Variants in ATP13A2 observed in about 807,000 individuals in gnomAD.
ATP13A2 encodes the protein polyamine-transporting ATPase 13A2.
A neutral mutation model predicts 138.3 loss-of-function variants in ATP13A2; 83 were observed. The observed-to-expected ratio is 0.60, with a 90% confidence interval of 0.50 to 0.72. ATP13A2 has a LOEUF of 0.72. ATP13A2 is among the 30% of genes least tolerant of loss of function. ATP13A2 has a pLI of 0.00. For synonymous variants in ATP13A2, 663 were observed against 699.0 expected, an observed-to-expected ratio of 0.95 and a Z score of 0.81; for missense variants, 1,402 against 1,606.4, an observed-to-expected ratio of 0.87 and a Z score of 2.17.
intron 23 of ATP13A2, among the ~76,000 whole-genome samples, chr1:16,989,107 G>T (rs868606646): frequency 6.6e-6 from 1 of 151,348 alleles, no homozygotes; most frequent in Admixed American, 6.6e-5. Flanking sequence ...GTAGAGACAG[G>T]GTTTCACCAT....
In ATP13A2 at chr1:16,986,079, G is replaced by T. The variant is rs773697361; in HGVS notation, c.*142C>A. On this transcript the variant is annotated 3_prime_UTR_variant, in exon 29 of 29. Transcript: ENST00000326735. This position sits in a 1 kb window ranked among gnomAD's most constrained non-coding sequence, Gnocchi z 6.9. The stretch of plus-strand genomic sequence containing the variant: ...ACAGTAGTCAACGCTTCCCCAGGGT[G>T]GGGGTGGTCTCGGGGGAGGAGTGTA... 1.2e-5 allele frequency: 19 copies of T among 1,534,066 alleles called. No individual in the cohort carries two copies. The highest frequency in any genetic ancestry group is 2.8e-5 in the African/African-American group (2 of 72,298).
intron 23 of ATP13A2, among the ~76,000 whole-genome samples, 171 bp from the exon 24 acceptor site, chr1:16,988,645 T>G (rs1029435393): frequency 6.6e-6 from 1 of 152,082 alleles, no homozygotes; most frequent in African/African-American, 2.4e-5. Flanking sequence ...TTATTATTAT[T>G]TTTTGAGACG....
chr1:16,994,848 G>A (rs1037167719), intron 15 of ATP13A2, among the ~76,000 whole-genome samples: 1 of 151,936 alleles, frequency 6.6e-6, no homozygotes. Context: ...ATTTTCAGTA[G>A]AGACGGGGTT....
At chr1:16,992,818 T>C (rs1331788141) in intron 16 of ATP13A2, among the ~76,000 whole-genome samples, 1 of 152,266 alleles carries the variant, frequency 6.6e-6, no homozygotes, top group Non-Finnish European at 1.5e-5. Context: ...ACATTTGAGC[T>C]TGCTTGCTAG....
intron 6 of ATP13A2, among the ~76,000 whole-genome samples, chr1:17,003,585 C>CCACA (rs540533484): frequency 0.17 from 22,181 of 132,806 alleles, 1,912 homozygotes; most frequent in African/African-American, 0.21. Context: ...ACCAAAAAAA[C>CCACA]CACACACACA....
In ATP13A2 at chr1:17,000,037, C is replaced by T; in HGVS notation, c.1013G>A (p.Cys338Tyr). The T allele has an allele frequency of 6.2e-7, 1 of 1,612,018 alleles. No individual in the cohort carries two copies. The highest frequency in any genetic ancestry group is 2.2e-5 in the East Asian group (1 of 44,846). Residue 338 changes from cysteine (C) to tyrosine (Y), a missense_variant, in exon 11 of 29, where the codon TGC becomes TAC. By Grantham distance (194) the Cys-to-Tyr change is radical. Transcript: ENST00000326735. ...TGTCAGAGAGCTCTCATTCACCATG[C>T]ACTCGCCGGCCACCAGGGCGGCATC... ...PCDAALVAGE[C>Y]MVNESSLTGE...
At chr1:16,994,896 T>G (rs2077064054) in intron 15 of ATP13A2, among the ~76,000 whole-genome samples, 1 of 151,566 alleles carries the variant, frequency 6.6e-6, no homozygotes, top group South Asian at 2.1e-4. Context: ...ACTCCTGACC[T>G]CATGATCCAC....
At chr1:17,005,619 G>A in intron 2 of ATP13A2, 63 bp from the exon 3 acceptor site, 3 of 1,613,364 alleles carry the variant, frequency 1.9e-6, no homozygotes, top group Non-Finnish European at 2.5e-6. Flanking sequence ...AGGAAGTTGG[G>A]GTGTCTGGGT....
intron 16 of ATP13A2, 86 bp downstream of exon 16, chr1:16,993,543 C>A: frequency 1.5e-6 from 2 of 1,331,124 alleles, no homozygotes; most frequent in South Asian, 1.3e-5. Flanking sequence ...AAGAGACCAC[C>A]CTGAAAGATG....
Position 17,004,075 on chromosome 1 carries a change from T to C in ATP13A2, c.557+257A>G, listed in dbSNP as rs112724236. Among the ~76,000 whole-genome samples the C allele has an allele frequency of 2.8e-4, 43 of 152,312 alleles. No homozygotes were observed. Among genetic ancestry groups the C allele is most frequent in the African/African-American group, 9.4e-4 (39 of 41,568 alleles). ...TTCACAGTGGTGTCACAACCTCAGA[T>C]CACATTCGGTGCCAAGCTCTACATA... On this transcript the variant is annotated intron_variant, in intron 6 of 28. Transcript: ENST00000326735. This position sits in a 1 kb window ranked among gnomAD's most constrained non-coding sequence, Gnocchi z 4.1.
chr1:16,999,488 C>T (rs2077267277), intron 11 of ATP13A2, among the ~76,000 whole-genome samples: 1 of 151,772 alleles, frequency 6.6e-6, no homozygotes. Flanking sequence ...CAACTCTGTC[C>T]AGGAGGAGTG....
chr1:17,009,356 G>A (rs546644995), intron 1 of ATP13A2, among the ~76,000 whole-genome samples: 1 of 151,452 alleles, frequency 6.6e-6, no homozygotes, highest in African/African-American at 2.4e-5. Flanking sequence ...CAAAGGTGCT[G>A]GGAGTTGGGG....
At position 16,996,021 on chromosome 1, in the gene ATP13A2, C is replaced by T. The variant is rs1557691846; in HGVS notation, c.1497G>A (p.Leu499=). The change falls in exon 15 of 29, where the codon CTG becomes CTA. Residue 499 remains leucine (L), a synonymous_variant. Transcript: ENST00000326735. ...GCAGCTTGCCCCCCAGGTTGATGCG[C>T]AGTGGGTGGATGCAGAAAATGCCCT... ...RRQGIFCIHP[L]RINLGGKLQL... 5 of 1,614,104 alleles carry T rather than the reference C, an allele frequency of 3.1e-6. No individual in the cohort carries two copies. The highest frequency in any genetic ancestry group is 2.2e-5 in the East Asian group (1 of 44,886).
chr1:16,997,658 A>G (rs2077191702), intron 11 of ATP13A2, among the ~76,000 whole-genome samples: 1 of 152,098 alleles, frequency 6.6e-6, no homozygotes, highest in Non-Finnish European at 1.5e-5. Context: ...GCTGGCCAAC[A>G]TGGTGAAACC....
At chr1:17,008,956 T>TG (rs2077672297) in intron 1 of ATP13A2, among the ~76,000 whole-genome samples, 1 of 86,238 alleles carries the variant, frequency 1.2e-5, no homozygotes, top group Non-Finnish European at 2.2e-5. Flanking sequence ...AGAGCAAGAC[T>TG]CAAAAAAAAA....
Position 17,002,020 on chromosome 1 carries a change from A to G in ATP13A2, c.705+14T>C, listed in dbSNP as rs2077376589. 1.2e-6 allele frequency: 2 copies of G among 1,604,984 alleles called. No homozygotes were observed. Among genetic ancestry groups the G allele is most frequent in the Non-Finnish European group, 1.7e-6 (2 of 1,174,426 alleles). On this transcript the variant is annotated intron_variant, in intron 8 of 28. Coordinates refer to ENST00000326735, the MANE Select transcript of ATP13A2 (RefSeq NM_022089.4). Reference sequence around the variant, plus strand: ...GCCAGGCAGGGCTGGGGCAAGACCCAGGGACAGCCCTACCTCGTCCACCAG... The same window carrying G: ...GCCAGGCAGGGCTGGGGCAAGACCCGGGGACAGCCCTACCTCGTCCACCAG...
At chr1:16,989,300 C>T (rs2076841357) in intron 23 of ATP13A2, among the ~76,000 whole-genome samples, 1 of 151,974 alleles carries the variant, frequency 6.6e-6, no homozygotes, top group Non-Finnish European at 1.5e-5. Flanking sequence ...CAGCCGCAGC[C>T]TCCCAGGCTC....
chr1:17,010,905 C>T (rs768838341), intron 1 of ATP13A2, among the ~76,000 whole-genome samples: 6 of 152,142 alleles, frequency 3.9e-5, no homozygotes, highest in Non-Finnish European at 8.8e-5. Context: ...CGGGGAGCTC[C>T]TGTCTTCTGC....
At position 16,986,494 on chromosome 1, in the gene ATP13A2, G is replaced by A; in HGVS notation, c.3374C>T (p.Thr1125Ile). The A allele has an allele frequency of 6.2e-7, 1 of 1,612,590 alleles. No individual in the cohort carries two copies. The highest frequency in any genetic ancestry group is 8.5e-7 in the Non-Finnish European group (1 of 1,179,892). Reference protein sequence around the residue: ...GFKLLLLGLVTLNFVGAFMLE... With the variant: ...GFKLLLLGLVILNFVGAFMLE... ...CATGAAGGCCCCCACGAAGTTGAGG[G>A]TGACCAGACCCAGCAGCAGCAGCTT... is the stretch of plus-strand genomic sequence containing the variant. Residue 1125 changes from threonine to isoleucine, a missense_variant, in exon 28 of 29, where the codon ACC becomes ATC. Coordinates refer to ENST00000326735, the MANE Select transcript of ATP13A2 (RefSeq NM_022089.4). This position sits in a 1 kb window ranked among gnomAD's most constrained non-coding sequence, Gnocchi z 6.9.
Sources: allele counts gnomAD v4.1 joint callset (sites outside exome capture counted in the v4.1 genomes callset), GRCh38; gene constraint gnomAD v4.1.1; non-coding constraint Gnocchi (gnomAD v3.1); transcripts MANE v1.5; gene names NCBI Gene and HGNC (gene_info 2026-07-23, HGNC 2026-07-21).